The following TMEM198 variants were observed in gnomAD, a reference collection of about 807,000 sequenced individuals.
The protein encoded by TMEM198 is transmembrane protein 198.
TMEM198 carries 21 observed loss-of-function variants against 31.5 expected under a neutral mutation model. The observed-to-expected ratio is 0.67, with a 90% confidence interval of 0.47 to 0.96. The LOEUF (loss-of-function observed/expected upper bound fraction) is 0.96, where lower values mean the gene tolerates loss of function less well. Among genes scored for constraint, TMEM198 ranks in the 40% least tolerant of loss-of-function variants. The pLI is 0.00. For missense variants in TMEM198, 447 were observed against 499.4 expected (o/e 0.89, Z 1.00); for synonymous variants, 211 against 223.3 (o/e 0.95, Z 0.49).
At chr2:219,545,716 A>G (rs1039789400) in intron 2 of TMEM198, among the ~76,000 whole-genome samples, 6 of 152,144 alleles carry the variant, frequency 3.9e-5, no homozygotes, top group African/African-American at 1.4e-4. Context: ...GCCCAAAGAA[A>G]GCCTCCAGGA....
At position 219,547,970 on chromosome 2, in the gene TMEM198, C is replaced by G. The variant is rs1247963428; in HGVS notation, c.631C>G (p.Pro211Ala). 6.3e-7 allele frequency: 1 copy of G among 1,588,114 alleles called. No individual in the cohort carries two copies. The highest frequency in any genetic ancestry group is 1.1e-5 in the South Asian group (1 of 88,582). The change falls in exon 3 of 5, where the codon CCC (proline) becomes GCC (alanine). Residue 211 changes from proline (P) to alanine (A), a missense_variant. Physicochemically the swap from Pro to Ala is conservative, Grantham distance 27. Coordinates refer to ENST00000373883, the MANE Select transcript of TMEM198 (RefSeq NM_001005209.3). The stretch of plus-strand genomic sequence containing the variant: ...GGAGCGACTCCGGGCTGCTCCTGTG[C>G]CCCCACTCTGCTGGCGAAGCTGGGC... ...VVERLRAAPV[P>A]PLCWRSWALL...
At chr2:219,549,627 G>A in intron 4 of TMEM198, 90 bp from the exon 5 acceptor site, 1 of 1,571,870 alleles carries the variant, frequency 6.4e-7, no homozygotes, top group Non-Finnish European at 8.7e-7. Context: ...GCAGTCTATA[G>A]AAGTGTCAGG....
chr2:219,544,940 C>T (rs759232996), intron 2 of TMEM198, 47 bp downstream of exon 2: 2 of 1,596,784 alleles, frequency 1.3e-6, no homozygotes, highest in East Asian at 2.2e-5. Context: ...AGTGTTTCCC[C>T]GAGTTCTTTT....
Position 219,549,425 on chromosome 2 carries a change from T to C in TMEM198, c.945+71T>C, listed in dbSNP as rs529972195. On this transcript the variant is annotated intron_variant, in intron 4 of 4. Coordinates refer to ENST00000373883, the MANE Select transcript of TMEM198 (RefSeq NM_001005209.3). The stretch of plus-strand genomic sequence containing the variant: ...AAACTCTTTCCAAACAGGACTGGGC[T>C]TTCCCCACGGGCTGGTTGCTATCTA... 3 of 1,527,978 alleles carry C rather than the reference T, an allele frequency of 2.0e-6. No homozygotes were observed. In the African/African-American group the frequency reaches 4.2e-5, roughly 21 times the overall value. The allele number at this position is 1,527,978 out of a possible 1,614,324, so 94.7% of individuals were successfully genotyped here. A position where few individuals can be genotyped will look rare whatever the true frequency, so the allele number is the denominator to read the frequency against.
chr2:219,546,833 C>G (rs1178489501), intron 2 of TMEM198, among the ~76,000 whole-genome samples: 2 of 143,414 alleles, frequency 1.4e-5, no homozygotes, highest in African/African-American at 5.2e-5. Context: ...GGCTGGAATG[C>G]AATGGTGCGA....
Position 219,549,832 on chromosome 2 carries a change from C to T in TMEM198, c.1061C>T (p.Ser354Leu). 1 of 1,614,120 alleles carries T rather than the reference C, an allele frequency of 6.2e-7. No individual in the cohort carries two copies. Among genetic ancestry groups the T allele is most frequent in the Non-Finnish European group, 8.5e-7 (1 of 1,180,006 alleles). The change falls in exon 5 of 5, where the codon TCA becomes TTA. Residue 354 changes from serine (S) to leucine (L), a missense_variant. Coordinates refer to ENST00000373883, the MANE Select transcript of TMEM198 (RefSeq NM_001005209.3). ...YGSRGPLTAC[S>L]GPPVRV The stretch of plus-strand genomic sequence containing the variant: ...TCCCGGGGACCTCTGACAGCCTGCT[C>T]AGGCCCCCCAGTGCGGGTATAGCCA...
chr2:219,545,768 G>A (rs1264936512), intron 2 of TMEM198, among the ~76,000 whole-genome samples: 1 of 152,096 alleles, frequency 6.6e-6, no homozygotes, highest in Admixed American at 6.6e-5. Flanking sequence ...AATGAGTCTT[G>A]GGGGCTGGGG....
At chr2:219,546,045 C>G (rs1695381674) in intron 2 of TMEM198, among the ~76,000 whole-genome samples, 1 of 152,152 alleles carries the variant, frequency 6.6e-6, no homozygotes, top group African/African-American at 2.4e-5. Context: ...TATTCCCTCT[C>G]CTGGGCTTCC....
chr2:219,548,039 G>C lies in TMEM198; in HGVS notation c.700G>C (p.Val234Leu). The stretch of plus-strand genomic sequence containing the variant: ...CCTGCTCAGCCTGATGGGCGTTCTG[G>C]TGCAGTGGAGGGTGACAGCTGAGGG... ...WPLLSLMGVL[V>L]QWRVTAEGDS... The change falls in exon 3 of 5, where the codon GTG becomes CTG. Residue 234 changes from valine to leucine, a missense_variant. Transcript: ENST00000373883. 2 of 1,585,024 alleles carry C rather than the reference G, an allele frequency of 1.3e-6. No homozygotes were observed. The highest frequency in any genetic ancestry group is 1.7e-6 in the Non-Finnish European group (2 of 1,168,222).
At chr2:219,545,302 A>T (rs933570098) in intron 2 of TMEM198, among the ~76,000 whole-genome samples, 1 of 152,210 alleles carries the variant, frequency 6.6e-6, no homozygotes, top group Non-Finnish European at 1.5e-5. Context: ...GTTATTACAC[A>T]TGGTCCCTTA....
rs1251303878 is a variant in TMEM198, at chr2:219,549,173, G to A, written c.764G>A (p.Arg255Gln). The change falls in exon 4 of 5, where the codon CGA (arginine) becomes CAA (glutamine). Residue 255 changes from arginine (R) to glutamine (Q), a missense_variant. Coordinates refer to ENST00000373883, the MANE Select transcript of TMEM198 (RefSeq NM_001005209.3). ...HTEVVISRQRRRVQLMRIRQQ... is the reference protein window; with the variant it reads ...HTEVVISRQRQRVQLMRIRQQ... ...ACAGTGGTCATCAGCCGGCAGCGCC[G>A]ACGCGTGCAACTGATGCGGATTCGG... is the stretch of plus-strand genomic sequence containing the variant. 4 of 1,613,950 alleles carry A rather than the reference G, an allele frequency of 2.5e-6. No individual in the cohort carries two copies. The highest frequency in any genetic ancestry group is 1.1e-5 in the South Asian group (1 of 91,082).
rs545327879 is a variant in TMEM198 at position 219,547,718 on chromosome 2, C to G, written c.379C>G (p.Leu127Val). Residue 127 changes from leucine to valine, a missense_variant, in exon 3 of 5, where the codon CTG becomes GTG. Physicochemically the swap from Leu to Val is conservative, Grantham distance 32. Coordinates refer to ENST00000373883, the MANE Select transcript of TMEM198 (RefSeq NM_001005209.3). Reference sequence around the variant, plus strand: ...CTTCCTGGTGGGGCTGCTGCTCGGCCTGCTGCTCGCAGCTGCTGCCCTGCT... The same window carrying G: ...CTTCCTGGTGGGGCTGCTGCTCGGCGTGCTGCTCGCAGCTGCTGCCCTGCT... The part of the protein sequence containing the change: ...GLFLVGLLLG[L>V]LLAAAALLGS... 1.3e-6 allele frequency: 2 copies of G among 1,582,792 alleles called. No individual in the cohort carries two copies. The highest frequency in any genetic ancestry group is 2.7e-5 in the African/African-American group (2 of 74,708).
chr2:219,549,908 C>T lies in TMEM198; in HGVS notation c.*54C>T. ...CACCAGCTCTGCCAGCTCGAGGAGG[C>T]CTGCTAGGCTGCCACTCAGCCTCCT... On this transcript the variant is annotated 3_prime_UTR_variant, in exon 5 of 5. Coordinates refer to ENST00000373883, the MANE Select transcript of TMEM198 (RefSeq NM_001005209.3). 3.2e-6 allele frequency: 5 copies of T among 1,584,756 alleles called. No homozygotes were observed. The South Asian group carries it at 5.6e-5, about 18-fold the overall frequency.
Position 219,550,556 on chromosome 2 carries a change from C to A in TMEM198, c.*702C>A. ...TCCCCCACCCCACTCTGTTTTACAT[C>A]TTTTATAAATGTGCCAAACTGTGTG... On this transcript the variant is annotated 3_prime_UTR_variant, in exon 5 of 5. Coordinates refer to ENST00000373883, the MANE Select transcript of TMEM198 (RefSeq NM_001005209.3). 2.0e-6 allele frequency: 1 copy of A among 503,852 alleles called. No homozygotes were observed. Among genetic ancestry groups the A allele is most frequent in the Non-Finnish European group, 3.6e-6 (1 of 279,486 alleles). 31.2% of individuals were successfully genotyped at this position (503,852 alleles called of 1,614,324 possible). A position where few individuals can be genotyped will look rare whatever the true frequency, so the allele number is the denominator to read the frequency against.
At position 219,546,638 on chromosome 2, in the gene TMEM198, C is replaced by G. The variant is rs112983139; in HGVS notation, c.167-868C>G. Among the ~76,000 whole-genome samples the G allele has an allele frequency of 7.7e-3, 1,179 of 152,272 alleles. 11 individuals carry two copies. The highest frequency in any genetic ancestry group is 0.027 in the African/African-American group (1,119 of 41,528). ...GTCAATCTCCCTAACCTACAAATACCTCATTTTCTGGGACAACTCCCCAGT... is the reference window on the plus strand; with the variant it reads ...GTCAATCTCCCTAACCTACAAATACGTCATTTTCTGGGACAACTCCCCAGT... On this transcript the variant is annotated intron_variant, in intron 2 of 4. Coordinates refer to ENST00000373883, the MANE Select transcript of TMEM198 (RefSeq NM_001005209.3).
chr2:219,549,077 G>T (rs1486243724), intron 3 of TMEM198, 75 bp from the exon 4 acceptor site: 3 of 1,543,860 alleles, frequency 1.9e-6, no homozygotes, highest in South Asian at 1.1e-5. Context: ...GCCACAGGTG[G>T]GATGAGAGAG....
chr2:219,549,248 C>T lies in TMEM198; in HGVS notation c.839C>T (p.Ala280Val). 1 of 1,613,992 alleles carries T rather than the reference C, an allele frequency of 6.2e-7. No individual in the cohort carries two copies. Among genetic ancestry groups the T allele is most frequent in the Non-Finnish European group, 8.5e-7 (1 of 1,180,030 alleles). The change falls in exon 4 of 5, where the codon GCT (alanine) becomes GTT (valine). Residue 280 changes from alanine (A) to valine (V), a missense_variant. Ala to Val is a moderately conservative substitution (Grantham distance 64). Coordinates refer to ENST00000373883, the MANE Select transcript of TMEM198 (RefSeq NM_001005209.3). ...AGGCGGAAAAAGAGACCTCCTCGGG[C>T]TCCCCTCAGAGGTCCCCGGGCTCCT... ...EKRRKKRPPRAPLRGPRAPPR... is the reference protein window; with the variant it reads ...EKRRKKRPPRVPLRGPRAPPR...
chr2:219,543,703 G>A, upstream of TMEM198: 4 of 463,014 alleles, frequency 8.6e-6, no homozygotes, highest in Non-Finnish European at 1.4e-5. Context: ...CCGAATCCCC[G>A]GAGCCGCGCC....
At chr2:219,547,433 T>C in intron 2 of TMEM198, 73 bp from the exon 3 acceptor site, 5 of 1,239,104 alleles carry the variant, frequency 4.0e-6, no homozygotes, top group Non-Finnish European at 5.3e-6. Flanking sequence ...CCCATGTCCT[T>C]GACCCCTTGG....
Sources: gnomAD v4.1 joint callset for allele counts (sites outside exome capture counted in the v4.1 genomes callset) on GRCh38, gnomAD v4.1.1 for gene constraint, MANE v1.5 for transcripts, NCBI Gene and HGNC (gene_info 2026-07-23, HGNC 2026-07-21) for gene names.